MDGA2: variants seen among roughly 807,000 people sequenced by gnomAD.
MDGA2 encodes MAM domain-containing glycosylphosphatidylinositol anchor protein 2.
In MDGA2, 40 loss-of-function variants were observed where a neutral mutation model predicts 117.8. The ratio of observed to expected loss-of-function variants is 0.34; its 90% CI spans 0.26 to 0.44. The LOEUF is 0.44. Ranked by LOEUF, MDGA2 falls within the 20% of genes least tolerant of loss-of-function variation. The pLI, the probability that MDGA2 is intolerant of heterozygous loss-of-function variation, is 1.00. For missense variants in MDGA2, 1,123 were observed against 1,250.6 expected (o/e 0.90, Z 1.54); for synonymous variants, 452 against 439.0 (o/e 1.03, Z -0.37).
intron 1 of MDGA2, among the ~76,000 whole-genome samples, chr14:47,428,494 T>A (rs1291730336): frequency 6.6e-6 from 1 of 152,118 alleles, no homozygotes; most frequent in East Asian, 1.9e-4. Flanking sequence ...ATCTTTAACA[T>A]TTGGAATGTG....
At chr14:47,408,659 G>A (rs1439733084) in intron 1 of MDGA2, among the ~76,000 whole-genome samples, 6 of 152,170 alleles carry the variant, frequency 3.9e-5, no homozygotes, top group Non-Finnish European at 5.9e-5. Context: ...TCTCCAAGCT[G>A]CCTCTATATT....
In MDGA2 at chr14:47,675,442, G is replaced by C. The variant is rs898602963; in HGVS notation, c.-646C>G. 2.6e-5 allele frequency among the ~76,000 whole-genome samples: 4 copies of C among 152,220 alleles called. No homozygotes were observed. In the East Asian group the frequency reaches 7.8e-4, roughly 30 times the overall value. On this transcript the variant is annotated 5_prime_UTR_variant, in exon 1 of 17. Coordinates refer to ENST00000399232, the MANE Select transcript of MDGA2 (RefSeq NM_001113498.3). ...GAAAGGGTCCAACAGGGAGCGGAGT[G>C]TGCGTCTGGAGCTCGCTTGGGCACA...
At chr14:46,994,248 C>G (rs900174409) in intron 8 of MDGA2, among the ~76,000 whole-genome samples, 1 of 152,156 alleles carries the variant, frequency 6.6e-6, no homozygotes, top group African/African-American at 2.4e-5. Flanking sequence ...CTACCAAGCT[C>G]TGCCCTATAT....
chr14:47,489,395 C>T (rs1894123142), intron 1 of MDGA2, among the ~76,000 whole-genome samples: 1 of 151,950 alleles, frequency 6.6e-6, no homozygotes, highest in Non-Finnish European at 1.5e-5. Context: ...CCCTGAACAT[C>T]GTACTCAAAA....
At chr14:47,256,335 C>T (rs553618920) in intron 2 of MDGA2, among the ~76,000 whole-genome samples, 34 of 152,020 alleles carry the variant, frequency 2.2e-4, no homozygotes, top group Non-Finnish European at 4.1e-4. Context: ...ATGCCTGCCC[C>T]TAAATGTCTT....
chr14:47,468,811 T>C (rs1056415189), intron 1 of MDGA2, among the ~76,000 whole-genome samples: 1 of 152,170 alleles, frequency 6.6e-6, no homozygotes, highest in Non-Finnish European at 1.5e-5. Context: ...TTCACATGAT[T>C]TCATCTCATT....
intron 1 of MDGA2, among the ~76,000 whole-genome samples, chr14:47,582,123 C>T (rs1896239966): frequency 6.6e-6 from 1 of 151,852 alleles, no homozygotes; most frequent in Non-Finnish European, 1.5e-5. Flanking sequence ...ATTCACTAAA[C>T]ATTAGCTATG....
intron 1 of MDGA2, among the ~76,000 whole-genome samples, chr14:47,617,209 CTTT>C (rs1249374796): frequency 2.1e-5 from 3 of 144,258 alleles, no homozygotes; most frequent in Non-Finnish European, 1.5e-5. Flanking sequence ...TTGTATTAGT[CTTT>C]TTTTTTTTTT....
intron 3 of MDGA2, among the ~76,000 whole-genome samples, chr14:47,202,672 A>T (rs548960496): frequency 1.3e-5 from 2 of 152,294 alleles, no homozygotes; most frequent in South Asian, 4.1e-4. Context: ...TATTGTCTCC[A>T]TTTTACAAAT....
chr14:47,561,153 G>GTTTTT (rs778265539), intron 1 of MDGA2, among the ~76,000 whole-genome samples: 1 of 63,908 alleles, frequency 1.6e-5, no homozygotes, highest in African/African-American at 3.8e-5. Context: ...TTTTTTTTTT[G>GTTTTT]TTTTGTTTTG....
At chr14:46,892,939 A>T (rs993527537) in intron 10 of MDGA2, among the ~76,000 whole-genome samples, 4 of 152,020 alleles carry the variant, frequency 2.6e-5, no homozygotes, top group Admixed American at 6.6e-5. Flanking sequence ...TGTGAAAAAC[A>T]GTATGAAGCT....
intron 1 of MDGA2, among the ~76,000 whole-genome samples, chr14:47,650,784 G>A (rs909338779): frequency 2.0e-5 from 3 of 152,146 alleles, no homozygotes; most frequent in Non-Finnish European, 2.9e-5. Flanking sequence ...AAAAAACAAT[G>A]TGGAATGAAC....
At chr14:47,218,867 C>T (rs1886197221) in intron 2 of MDGA2, among the ~76,000 whole-genome samples, 1 of 152,000 alleles carries the variant, frequency 6.6e-6, no homozygotes, top group Non-Finnish European at 1.5e-5. Flanking sequence ...ACTGCCAAAA[C>T]ATTTTGAATA....
intron 1 of MDGA2, among the ~76,000 whole-genome samples, chr14:47,464,840 C>T (rs10220287): frequency 0.67 from 102,405 of 151,918 alleles, 35,051 homozygotes; most frequent in East Asian, 0.98. Flanking sequence ...AAAACTCATA[C>T]TGAACGAAAA....
At chr14:47,352,629 A>T (rs983757703) in intron 1 of MDGA2, among the ~76,000 whole-genome samples, 2 of 152,238 alleles carry the variant, frequency 1.3e-5, no homozygotes, top group Non-Finnish European at 2.9e-5. Flanking sequence ...TGTGAGAAAA[A>T]ACATGGCATA....
intron 6 of MDGA2, among the ~76,000 whole-genome samples, chr14:47,075,296 T>C (rs1023755890): frequency 6.6e-6 from 1 of 152,190 alleles, no homozygotes; most frequent in South Asian, 2.1e-4. Flanking sequence ...AAAACAGAGG[T>C]ACTTCATATT....
chr14:47,372,262 A>G (rs1469419562), intron 1 of MDGA2, among the ~76,000 whole-genome samples: 1 of 151,852 alleles, frequency 6.6e-6, no homozygotes, highest in Non-Finnish European at 1.5e-5. Flanking sequence ...ATACATTATA[A>G]ACAATAATGG....
At chr14:47,162,557 C>G (rs978099285) in intron 3 of MDGA2, among the ~76,000 whole-genome samples, 12 of 152,016 alleles carry the variant, frequency 7.9e-5, no homozygotes, top group Admixed American at 6.6e-4. Flanking sequence ...GATTTCATAT[C>G]TTTTTGTATT....
At chr14:47,354,428 T>A (rs1890948660) in intron 1 of MDGA2, among the ~76,000 whole-genome samples, 1 of 152,130 alleles carries the variant, frequency 6.6e-6, no homozygotes, top group African/African-American at 2.4e-5. Context: ...GATGCCTGAT[T>A]TGGAGATAAA....
Sources: allele counts gnomAD v4.1 joint callset (sites outside exome capture counted in the v4.1 genomes callset), GRCh38; gene constraint gnomAD v4.1.1; transcripts MANE v1.5; gene names NCBI Gene and HGNC (gene_info 2026-07-23, HGNC 2026-07-21).